The following CNTNAP2 variants were observed in gnomAD, a reference collection of about 807,000 sequenced individuals.
CNTNAP2 encodes contactin associated protein 2.
A neutral mutation model predicts 155.2 loss-of-function variants in CNTNAP2; 98 were observed. That is an observed-to-expected ratio of 0.63 (90% CI 0.54 to 0.75). The LOEUF is 0.75. Among genes scored for constraint, CNTNAP2 ranks in the 30% least tolerant of loss-of-function variants. The pLI, the probability that CNTNAP2 is intolerant of heterozygous loss-of-function variation, is 0.00. For synonymous variants in CNTNAP2, 651 were observed against 631.2 expected, an observed-to-expected ratio of 1.03 and a Z score of -0.47; for missense variants, 1,727 against 1,688.1, an observed-to-expected ratio of 1.02 and a Z score of -0.40.
At chr7:148,270,996 C>T (rs1255755399) in intron 21 of CNTNAP2, among the ~76,000 whole-genome samples, 1 of 152,148 alleles carries the variant, frequency 6.6e-6, no homozygotes, top group Non-Finnish European at 1.5e-5. Context: ...TGATCAGTGC[C>T]TAGTATACAG....
chr7:148,359,260 G>A (rs544365116), intron 21 of CNTNAP2, among the ~76,000 whole-genome samples: 1 of 152,306 alleles, frequency 6.6e-6, no homozygotes, highest in African/African-American at 2.4e-5. Flanking sequence ...TAACAAAGTT[G>A]CCTAACAAGA....
rs150951939 is a variant in CNTNAP2, at chr7:148,294,163, C to T, written c.3475+27037C>T. On this transcript the variant is annotated intron_variant, in intron 21 of 23. Coordinates refer to ENST00000361727, the MANE Select transcript of CNTNAP2 (RefSeq NM_014141.6). Reference sequence around the variant, plus strand: ...TGCCTCGAGCCCTGAACAGGCTACTCATCTGTGGCCAATATTATATTATAA... The same window carrying T: ...TGCCTCGAGCCCTGAACAGGCTACTTATCTGTGGCCAATATTATATTATAA... Among the ~76,000 whole-genome samples the T allele has an allele frequency of 2.9e-3, 439 of 151,764 alleles. 2 individuals are homozygous for T. The highest frequency in any genetic ancestry group is 0.01 in the African/African-American group (423 of 41,370).
chr7:148,386,550 G>T (rs1375254714), intron 22 of CNTNAP2, among the ~76,000 whole-genome samples: 1 of 152,120 alleles, frequency 6.6e-6, no homozygotes, highest in Non-Finnish European at 1.5e-5. Context: ...CAAACTATAA[G>T]GCAGAGGTTT....
At position 148,305,725 on chromosome 7, in the gene CNTNAP2, C is replaced by T. The variant is rs77728349; in HGVS notation, c.3475+38599C>T. 9.5e-3 allele frequency among the ~76,000 whole-genome samples: 1,446 copies of T among 152,280 alleles called. 32 individuals are homozygous for T. Among genetic ancestry groups the T allele is most frequent in the African/African-American group, 0.033 (1,368 of 41,544 alleles). On this transcript the variant is annotated intron_variant, in intron 21 of 23. Transcript: ENST00000361727. ...ATCAGATCTCTTGAGAACCCACTCA[C>T]ACTATCATGAGAACAGCAAGGGAGA... is the stretch of plus-strand genomic sequence containing the variant.
chr7:146,549,989 A>C (rs1038834086), intron 1 of CNTNAP2, among the ~76,000 whole-genome samples: 3 of 152,080 alleles, frequency 2.0e-5, no homozygotes, highest in Non-Finnish European at 4.4e-5. Flanking sequence ...CTAAGGTTCA[A>C]TGAATTTGAT....
chr7:146,149,039 G>T (rs1375422016), intron 1 of CNTNAP2, among the ~76,000 whole-genome samples: 3 of 151,786 alleles, frequency 2.0e-5, no homozygotes, highest in African/African-American at 4.8e-5. Context: ...TGTGGGGTGG[G>T]GGGATGGGGG....
chr7:147,939,785 T>TTC (rs142659389), intron 14 of CNTNAP2, among the ~76,000 whole-genome samples: 5,525 of 149,814 alleles, frequency 0.037, 309 homozygotes, highest in African/African-American at 0.12. Context: ...CAATCTCTCT[T>TTC]TCTCTCTCTC....
chr7:146,221,371 C>T (rs540586253), intron 1 of CNTNAP2, among the ~76,000 whole-genome samples: 4 of 151,380 alleles, frequency 2.6e-5, no homozygotes, highest in South Asian at 2.1e-4. Flanking sequence ...TTTAAATATA[C>T]TTTTAAATAT....
intron 17 of CNTNAP2, among the ~76,000 whole-genome samples, chr7:148,161,280 C>T (rs1035464566): frequency 6.6e-6 from 1 of 152,232 alleles, no homozygotes; most frequent in Admixed American, 6.5e-5. Flanking sequence ...GTCTTCAGCG[C>T]TGCTTCTTGC....
At chr7:146,394,063 G>T (rs1235553902) in intron 1 of CNTNAP2, among the ~76,000 whole-genome samples, 1 of 152,144 alleles carries the variant, frequency 6.6e-6, no homozygotes, top group East Asian at 1.9e-4. Context: ...GGAGTTGATA[G>T]ATGTGTATGA....
At chr7:148,213,145 C>T (rs996909363) in intron 18 of CNTNAP2, among the ~76,000 whole-genome samples, 1 of 152,162 alleles carries the variant, frequency 6.6e-6, no homozygotes, top group East Asian at 1.9e-4. Context: ...TCAGCTTTCA[C>T]CCCAAGCATC....
intron 9 of CNTNAP2, among the ~76,000 whole-genome samples, chr7:147,385,811 T>G (rs981435590): frequency 2.0e-5 from 3 of 152,198 alleles, no homozygotes; most frequent in Non-Finnish European, 4.4e-5. Context: ...ACAGCTCCAC[T>G]AGGCAGTGCC....
chr7:146,157,035 A>T (rs1196755519), intron 1 of CNTNAP2, among the ~76,000 whole-genome samples: 1 of 152,224 alleles, frequency 6.6e-6, no homozygotes, highest in Non-Finnish European at 1.5e-5. Flanking sequence ...AAAACTGGAA[A>T]GTGAATCAAA....
At chr7:148,304,872 G>A (rs534310662) in intron 21 of CNTNAP2, among the ~76,000 whole-genome samples, 2 of 151,878 alleles carry the variant, frequency 1.3e-5, no homozygotes, top group Admixed American at 6.6e-5. Flanking sequence ...GGATAGATCC[G>A]TATGCAGTGT....
intron 10 of CNTNAP2, among the ~76,000 whole-genome samples, chr7:147,419,318 C>T (rs1797249823): frequency 2.0e-5 from 3 of 152,160 alleles, no homozygotes; most frequent in Admixed American, 2.0e-4. Context: ...TGCTTGCCCT[C>T]TCATTCCCAC....
At chr7:146,797,973 C>T (rs553371502) in intron 2 of CNTNAP2, among the ~76,000 whole-genome samples, 2 of 152,014 alleles carry the variant, frequency 1.3e-5, no homozygotes, top group Admixed American at 6.5e-5. Flanking sequence ...ATTCATATGA[C>T]AATTAAGTTG....
chr7:146,120,722 A>G (rs1797549201), intron 1 of CNTNAP2, among the ~76,000 whole-genome samples: 1 of 152,088 alleles, frequency 6.6e-6, no homozygotes, highest in Admixed American at 6.6e-5. Context: ...TTTTTACTGT[A>G]TCTTTTCCAT....
intron 13 of CNTNAP2, among the ~76,000 whole-genome samples, chr7:147,792,497 A>AGT (rs3054133): frequency 0.085 from 12,840 of 150,678 alleles, 620 homozygotes; most frequent in East Asian, 0.2. Flanking sequence ...TCCACGTTGT[A>AGT]GTGTGTGTGT....
At chr7:148,083,746 G>T (rs534675323) in intron 15 of CNTNAP2, among the ~76,000 whole-genome samples, 1 of 152,304 alleles carries the variant, frequency 6.6e-6, no homozygotes, top group African/African-American at 2.4e-5. Flanking sequence ...GGACGCAGGA[G>T]TCTTTGGAGA....
Sources: gnomAD v4.1 joint callset for allele counts (sites outside exome capture counted in the v4.1 genomes callset) on GRCh38, gnomAD v4.1.1 for gene constraint, MANE v1.5 for transcripts, NCBI Gene and HGNC (gene_info 2026-07-23, HGNC 2026-07-21) for gene names.